SCMH1: variants seen among roughly 807,000 people sequenced by gnomAD.
SCMH1 encodes Scm polycomb group protein homolog 1, also known as polycomb protein SCMH1.
SCMH1 carries 37 observed loss-of-function variants against 70.8 expected under a neutral mutation model. The observed-to-expected ratio is 0.52, with a 90% CI of 0.40 to 0.69. The LOEUF (loss-of-function observed/expected upper bound fraction) is 0.69, where lower values mean the gene tolerates loss of function less well. SCMH1 is among the 30% of genes least tolerant of loss of function. The pLI is 0.00. For synonymous variants in SCMH1, 292 were observed against 307.4 expected, an observed-to-expected ratio of 0.95 and a Z score of 0.52; for missense variants, 607 against 827.3, an observed-to-expected ratio of 0.73 and a Z score of 3.27.
chr1:41,087,795 C>A (rs972456746), intron 8 of SCMH1, among the ~76,000 whole-genome samples: 2 of 151,904 alleles, frequency 1.3e-5, no homozygotes, highest in Non-Finnish European at 2.9e-5. Context: ...CCAAGAATAC[C>A]GCTTCTGGTC....
chr1:41,236,667 T>C (rs1301981826), intron 1 of SCMH1, among the ~76,000 whole-genome samples: 1 of 151,858 alleles, frequency 6.6e-6, no homozygotes, highest in Non-Finnish European at 1.5e-5. Context: ...GATGATCGGA[T>C]CCCTACATAA....
intron 8 of SCMH1, among the ~76,000 whole-genome samples, chr1:41,080,346 T>C (rs573028261): frequency 8.5e-5 from 13 of 152,054 alleles, no homozygotes; most frequent in East Asian, 1.9e-4. Context: ...TTTTGAAAAA[T>C]AGAAGAGGGA....
intron 8 of SCMH1, among the ~76,000 whole-genome samples, chr1:41,095,514 G>A (rs1295213940): frequency 6.6e-6 from 1 of 152,172 alleles, no homozygotes; most frequent in African/African-American, 2.4e-5. Flanking sequence ...AAGTTCTACT[G>A]TAGTTATGAA....
In SCMH1 at chr1:41,143,069, A is replaced by T. The variant is rs759443674; in HGVS notation, c.221T>A (p.Leu74Ter). 2 of 1,614,062 alleles carry T rather than the reference A, an allele frequency of 1.2e-6. No individual in the cohort carries two copies. The highest frequency in any genetic ancestry group is 3.3e-4 in the Middle Eastern group (2 of 6,062). ...GGTGTTCCTGGGGTCCTGTGCTTCC[A>T]ATTTCATACTGATCTTGAACTCGTT... The change falls in exon 6 of 15, where the codon TTG becomes TAG. Residue 74 changes from leucine (L) to a stop codon, truncating the protein, a stop_gained. Transcript: ENST00000337495. LOFTEE classifies it high-confidence loss of function.
At chr1:41,203,925 CCT>C (rs1444451418) in intron 1 of SCMH1, among the ~76,000 whole-genome samples, 1 of 152,070 alleles carries the variant, frequency 6.6e-6, no homozygotes, top group Non-Finnish European at 1.5e-5. Flanking sequence ...CTGTGAGACC[CCT>C]GATTTCCCAC....
intron 2 of SCMH1, among the ~76,000 whole-genome samples, chr1:41,177,402 T>C (rs201516766): frequency 3.9e-5 from 6 of 152,026 alleles, no homozygotes; most frequent in Middle Eastern, 3.2e-3. Context: ...ATGACTTTGA[T>C]GAGTTGAGAG....
At chr1:41,035,825 A>C (rs1343515850) in intron 13 of SCMH1, among the ~76,000 whole-genome samples, 1 of 150,704 alleles carries the variant, frequency 6.6e-6, no homozygotes, top group Non-Finnish European at 1.5e-5. Context: ...CCCCAGCACA[A>C]TCTGCCTTCA....
At chr1:41,228,771 T>C (rs552528193) in intron 1 of SCMH1, among the ~76,000 whole-genome samples, 2 of 149,988 alleles carry the variant, frequency 1.3e-5, no homozygotes, top group South Asian at 4.2e-4. Context: ...GAAAGGAATG[T>C]AGAGAGAATA....
intron 12 of SCMH1, chr1:41,043,383 C>T (rs12567608): frequency 0.032 from 4,822 of 151,790 alleles, 126 homozygotes; most frequent in South Asian, 0.092. Context: ...CATGAGCCAC[C>T]GCACCTGGCC....
At chr1:41,136,414 T>C (rs575534163) in intron 6 of SCMH1, among the ~76,000 whole-genome samples, 11 of 151,388 alleles carry the variant, frequency 7.3e-5, no homozygotes, top group Non-Finnish European at 1.5e-4. Context: ...AGTCTCACTC[T>C]GTTGCCAGGC....
intron 1 of SCMH1, among the ~76,000 whole-genome samples, chr1:41,211,941 T>C (rs1174699443): frequency 6.6e-6 from 1 of 152,130 alleles, no homozygotes; most frequent in Non-Finnish European, 1.5e-5. Flanking sequence ...CCACATGTTC[T>C]CACTCATAGG....
chr1:41,048,210 T>G (rs1393957275), intron 11 of SCMH1, among the ~76,000 whole-genome samples: 1 of 152,182 alleles, frequency 6.6e-6, no homozygotes. Flanking sequence ...TGAATCAAAC[T>G]CTCATAGCAG....
intron 1 of SCMH1, among the ~76,000 whole-genome samples, chr1:41,229,690 G>A (rs1229556755): frequency 6.6e-6 from 1 of 151,868 alleles, no homozygotes; most frequent in African/African-American, 2.4e-5. Flanking sequence ...GTATACCTAT[G>A]TAACAAACCT....
At chr1:41,088,493 G>T (rs918103593) in intron 8 of SCMH1, among the ~76,000 whole-genome samples, 1 of 152,122 alleles carries the variant, frequency 6.6e-6, no homozygotes, top group South Asian at 2.1e-4. Flanking sequence ...TTAGGGATAG[G>T]GTCTGACTCT....
chr1:41,064,044 C>A (rs1653727794), intron 10 of SCMH1, among the ~76,000 whole-genome samples: 1 of 152,200 alleles, frequency 6.6e-6, no homozygotes, highest in Non-Finnish European at 1.5e-5. Context: ...GAATTATACA[C>A]TATGACCAAG....
chr1:41,040,022 G>T (rs1280327268), intron 12 of SCMH1, among the ~76,000 whole-genome samples: 1 of 151,034 alleles, frequency 6.6e-6, no homozygotes, highest in Non-Finnish European at 1.5e-5. Context: ...TGGTGCAGGT[G>T]TCAAAGACTG....
intron 2 of SCMH1, among the ~76,000 whole-genome samples, chr1:41,173,514 G>A (rs1411474442): frequency 6.6e-6 from 1 of 152,114 alleles, no homozygotes; most frequent in Non-Finnish European, 1.5e-5. Context: ...ACTGTTGGTG[G>A]TATTGTAAAT....
At position 41,152,839 on chromosome 1, in the gene SCMH1, T is replaced by C. The variant is rs1645185786; in HGVS notation, c.107-1155A>G. On this transcript the variant is annotated intron_variant, in intron 4 of 14. Transcript: ENST00000337495. ...TATTTATTTTATAGCTTCTGTTTTA[T>C]AACTGGTTCCTTTCCCACTACCCTT... 4.0e-6 allele frequency: 5 copies of C among 1,251,214 alleles called. No homozygotes were observed. In the Admixed American group the frequency reaches 8.4e-5, roughly 21 times the overall value. 77.5% of individuals were successfully genotyped at this position (1,251,214 alleles called of 1,614,324 possible). A position where few individuals can be genotyped will look rare whatever the true frequency, so the allele number is the denominator to read the frequency against.
intron 8 of SCMH1, among the ~76,000 whole-genome samples, chr1:41,112,665 A>AT: frequency 6.6e-6 from 1 of 152,208 alleles, no homozygotes; most frequent in Non-Finnish European, 1.5e-5. Context: ...CTTGCTAGTC[A>AT]TCAACTTTTC....
Sources: gnomAD v4.1 joint callset for allele counts (sites outside exome capture counted in the v4.1 genomes callset) on GRCh38, gnomAD v4.1.1 for gene constraint, MANE v1.5 for transcripts, NCBI Gene and HGNC (gene_info 2026-07-23, HGNC 2026-07-21) for gene names.